TENM2: variants seen among roughly 807,000 people sequenced by gnomAD.
TENM2 encodes teneurin transmembrane protein 2, also known as teneurin-2.
In TENM2, 52 loss-of-function variants were observed where a neutral mutation model predicts 245.2. The observed-to-expected ratio is 0.21, with a 90% CI of 0.17 to 0.27. The LOEUF is 0.27. Among genes scored for constraint, TENM2 ranks in the 10% least tolerant of loss-of-function variants. TENM2 has a pLI of 1.00. For synonymous variants in TENM2, 1,363 were observed against 1,438.9 expected, an observed-to-expected ratio of 0.95 and a Z score of 1.19; for missense variants, 3,046 against 3,666.8, an observed-to-expected ratio of 0.83 and a Z score of 4.37.
intron 4 of TENM2, among the ~76,000 whole-genome samples, chr5:167,960,589 G>T (rs1780935602): frequency 6.8e-6 from 1 of 147,380 alleles, no homozygotes; most frequent in South Asian, 2.3e-4. Context: ...AGACTGCTGT[G>T]CTGGCAGCAA....
At chr5:167,781,939 G>T (rs1302733397) in intron 2 of TENM2, among the ~76,000 whole-genome samples, 1 of 151,998 alleles carries the variant, frequency 6.6e-6, no homozygotes, top group African/African-American at 2.4e-5. Flanking sequence ...AGCATGGGAG[G>T]TCAAGGTGCA....
the TENM2 span, among the ~76,000 whole-genome samples, chr5:167,141,201 T>G: frequency 6.6e-6 from 1 of 152,208 alleles, no homozygotes; most frequent in Admixed American, 6.5e-5. Flanking sequence ...CTATTTTTAT[T>G]GTATATTAGT....
chr5:167,967,113 A>G (rs1781439713), intron 4 of TENM2: 1 of 151,298 alleles, frequency 6.6e-6, no homozygotes, highest in African/African-American at 2.4e-5. Flanking sequence ...TCAATAACTG[A>G]GCTGCTCAAT....
chr5:168,253,660 T>C (rs868577199), intron 27 of TENM2, among the ~76,000 whole-genome samples: 99 of 151,972 alleles, frequency 6.5e-4, no homozygotes, highest in South Asian at 1.2e-3. Context: ...CTCCTGACCT[T>C]GTGATTCGCC....
At chr5:168,158,850 T>TATATATATATATATATATATAC (rs1339051385) in intron 12 of TENM2, among the ~76,000 whole-genome samples, 15 of 62,318 alleles carry the variant, frequency 2.4e-4, no homozygotes, top group East Asian at 4.2e-4. Context: ...TATATATATA[T>TATATATATATATATATATATAC]ACACACACAC....
chr5:167,651,188 A>G (rs1392508688), intron 2 of TENM2, among the ~76,000 whole-genome samples: 4 of 152,022 alleles, frequency 2.6e-5, no homozygotes, highest in Non-Finnish European at 4.4e-5. Flanking sequence ...CAATATCCTT[A>G]TTTGAATTTG....
At chr5:167,348,715 T>C (rs1350417331) in intron 1 of TENM2, among the ~76,000 whole-genome samples, 1 of 152,224 alleles carries the variant, frequency 6.6e-6, no homozygotes, top group African/African-American at 2.4e-5. Context: ...CCTTCATGAT[T>C]TCCAAAGCAA....
At chr5:168,178,925 AG>A (rs1759601149) in intron 13 of TENM2, among the ~76,000 whole-genome samples, 1 of 152,172 alleles carries the variant, frequency 6.6e-6, no homozygotes, top group African/African-American at 2.4e-5. Flanking sequence ...ACTTGAGATC[AG>A]GAGTTCAAGA....
intron 4 of TENM2, among the ~76,000 whole-genome samples, chr5:167,969,309 G>T (rs982072705): frequency 3.3e-5 from 5 of 151,754 alleles, no homozygotes; most frequent in African/African-American, 1.2e-4. Flanking sequence ...CATGAGATCT[G>T]ATGGTTTTAT....
intron 5 of TENM2, among the ~76,000 whole-genome samples, chr5:168,002,663 G>A (rs2546952): frequency 6.6e-6 from 1 of 152,184 alleles, no homozygotes; most frequent in African/African-American, 2.4e-5. Flanking sequence ...AACAAGATTT[G>A]TAGACTTCCT....
chr5:168,225,394 A>T (rs1764072156), intron 23 of TENM2, among the ~76,000 whole-genome samples: 1 of 152,056 alleles, frequency 6.6e-6, no homozygotes, highest in South Asian at 2.1e-4. Context: ...TGGTTTGTTC[A>T]GCAGGGAACT....
the TENM2 span, among the ~76,000 whole-genome samples, chr5:167,132,976 T>C: frequency 6.6e-6 from 1 of 152,154 alleles, no homozygotes; most frequent in African/African-American, 2.4e-5. Context: ...TTTATTAATG[T>C]ACCAGCATTA....
chr5:167,258,241 A>ATG, the TENM2 span, among the ~76,000 whole-genome samples: 6 of 144,664 alleles, frequency 4.1e-5, no homozygotes, highest in African/African-American at 1.3e-4. Context: ...ATATATATAT[A>ATG]TGTATATATA....
chr5:167,781,646 C>T (rs2150835699), intron 2 of TENM2, among the ~76,000 whole-genome samples: 1 of 152,278 alleles, frequency 6.6e-6, no homozygotes. Flanking sequence ...ATTCTAAACT[C>T]AGGCTATAGG....
the TENM2 span, among the ~76,000 whole-genome samples, chr5:167,041,120 G>T: frequency 6.6e-6 from 1 of 152,174 alleles, no homozygotes; most frequent in African/African-American, 2.4e-5. Context: ...TAAACCTTAG[G>T]CATTGCCTTA....
chr5:167,106,689 G>A, the TENM2 span, among the ~76,000 whole-genome samples: 1 of 152,164 alleles, frequency 6.6e-6, no homozygotes, highest in South Asian at 2.1e-4. Flanking sequence ...GGTGCACTTT[G>A]GTGCACAAGT....
chr5:167,607,274 A>G (rs751526181), intron 2 of TENM2, among the ~76,000 whole-genome samples: 35 of 152,172 alleles, frequency 2.3e-4, no homozygotes, highest in Non-Finnish European at 4.3e-4. Context: ...CAGAGACTGA[A>G]TGCCCCACTG....
chr5:168,047,340 C>T (rs1403391507), intron 5 of TENM2, 87 bp from the exon 8 acceptor site: 4 of 1,483,288 alleles, frequency 2.7e-6, no homozygotes, highest in Non-Finnish European at 1.8e-6. Flanking sequence ...AAGGCAATCG[C>T]TTGGAAAAGG....
intron 15 of TENM2, among the ~76,000 whole-genome samples, chr5:168,198,337 A>C (rs1364266888): frequency 6.6e-6 from 1 of 151,950 alleles, no homozygotes; most frequent in Non-Finnish European, 1.5e-5. Context: ...CTGAGACTAC[A>C]GGCACCCACC....
Sources: allele counts gnomAD v4.1 joint callset (sites outside exome capture counted in the v4.1 genomes callset), GRCh38; gene constraint gnomAD v4.1.1; transcripts MANE v1.5; gene names NCBI Gene and HGNC (gene_info 2026-07-23, HGNC 2026-07-21).